ACACA: variants seen among roughly 807,000 people sequenced by gnomAD.
ACACA encodes acetyl-CoA carboxylase 1.
ACACA carries 103 observed loss-of-function variants against 296.1 expected under a neutral mutation model. The observed-to-expected ratio is 0.35, with a 90% CI of 0.30 to 0.41. The LOEUF is 0.41. ACACA is among the 10% of genes least tolerant of loss of function. The pLI, the probability that ACACA is intolerant of heterozygous loss-of-function variation, is 1.00. For synonymous variants in ACACA, 953 were observed against 1,038.6 expected, an observed-to-expected ratio of 0.92 and a Z score of 1.58; for missense variants, 1,554 against 2,989.7, an observed-to-expected ratio of 0.52 and a Z score of 11.20.
chr17:37,360,848 T>C (rs549980258), intron 1 of ACACA, among the ~76,000 whole-genome samples: 2 of 152,080 alleles, frequency 1.3e-5, no homozygotes, highest in African/African-American at 4.8e-5. Context: ...CCTGGTTTAG[T>C]AAGATGTTTG....
intron 13 of ACACA, 112 bp from the exon 14 acceptor site, chr17:37,257,978 C>A: frequency 7.1e-7 from 1 of 1,414,514 alleles, no homozygotes; most frequent in Non-Finnish European, 9.8e-7. Flanking sequence ...AGAAGACACA[C>A]AAAAATGATA....
intron 39 of ACACA, among the ~76,000 whole-genome samples, chr17:37,183,805 A>G (rs1161282509): frequency 2.6e-5 from 4 of 151,172 alleles, no homozygotes; most frequent in Admixed American, 2.6e-4. Context: ...AGGAAAAAAA[A>G]AAAAGAAAGA....
At chr17:37,268,712 T>C (rs1386469727) in intron 10 of ACACA, among the ~76,000 whole-genome samples, 2 of 120,214 alleles carry the variant, frequency 1.7e-5, no homozygotes, top group Non-Finnish European at 3.2e-5. Context: ...TATCTATATC[T>C]ATATCTATCT....
chr17:37,351,687 A>T (rs1430641781), intron 1 of ACACA, among the ~76,000 whole-genome samples: 1 of 152,174 alleles, frequency 6.6e-6, no homozygotes, highest in East Asian at 1.9e-4. Flanking sequence ...TATCTCCTAG[A>T]TGAGGCTGGG....
rs1325479340 is a variant in ACACA at position 37,097,846 on chromosome 17, T to C, written c.6704A>G (p.Glu2235Gly). The change falls in exon 53 of 56, where the codon GAG (glutamate) becomes GGG (glycine). Residue 2235 changes from glutamate to glycine, a missense_variant. Glu to Gly is a moderately conservative substitution (Grantham distance 98, BLOSUM62 -2). Coordinates refer to ENST00000616317, the MANE Select transcript of ACACA (RefSeq NM_198834.3). This position sits in a 1 kb window ranked among gnomAD's most constrained non-coding sequence, Gnocchi z 4.8. ...TGTACTTACGCTAATAACACCCTTC[T>C]CCTGCATCCGGCCTGGTGTGTCGTG... is the stretch of plus-strand genomic sequence containing the variant. ...DLHDTPGRMQ[E>G]KGVISDILDW... 1 of 1,614,146 alleles carries C rather than the reference T, an allele frequency of 6.2e-7. No individual in the cohort carries two copies. The highest frequency in any genetic ancestry group is 8.5e-7 in the Non-Finnish European group (1 of 1,180,016).
chr17:37,206,795 A>G lies in ACACA; in HGVS notation c.3936T>C (p.Tyr1312=), dbSNP rs747744911. ...AGGGACATTATACCTTATCCTCATC[A>G]TAAAGAGACGTGTGACCTGCCTCAG... The part of the protein sequence containing the change: ...TFPEAGHTSL[Y]DEDKVPRDEP... Residue 1312 remains tyrosine (Y), a synonymous_variant, in exon 32 of 56, where the codon TAT becomes TAC. Coordinates refer to ENST00000616317, the MANE Select transcript of ACACA (RefSeq NM_198834.3). 1 of 1,610,606 alleles carries G rather than the reference A, an allele frequency of 6.2e-7. No individual in the cohort carries two copies. The highest frequency in any genetic ancestry group is 1.1e-5 in the South Asian group (1 of 90,986).
chr17:37,117,983 G>A (rs1229494387), intron 50 of ACACA, among the ~76,000 whole-genome samples: 2 of 152,060 alleles, frequency 1.3e-5, no homozygotes, highest in East Asian at 3.8e-4. Context: ...AGCCAGTATT[G>A]AAACCAAAAC....
At chr17:37,259,595 CT>C in intron 11 of ACACA, 65 bp from the exon 12 acceptor site, 1 of 1,559,870 alleles carries the variant, frequency 6.4e-7, no homozygotes. Context: ...CCACTACAGC[CT>C]CTCACTGACT....
chr17:37,214,446 A>G (rs1286094812), intron 29 of ACACA, among the ~76,000 whole-genome samples: 4 of 152,222 alleles, frequency 2.6e-5, no homozygotes, highest in Admixed American at 1.3e-4. Context: ...GTACATCAAC[A>G]GAGCTACAGC....
intron 49 of ACACA, 35 bp from the exon 50 acceptor site, chr17:37,121,525 A>T: frequency 6.2e-7 from 1 of 1,613,456 alleles, no homozygotes; most frequent in South Asian, 1.1e-5. Flanking sequence ...ACAATTAACA[A>T]CACAGCTCCA....
At chr17:37,323,117 A>G (rs531556832) in intron 3 of ACACA, among the ~76,000 whole-genome samples, 2 of 152,394 alleles carry the variant, frequency 1.3e-5, no homozygotes, top group East Asian at 3.9e-4. Flanking sequence ...TCAGAGTCGC[A>G]GACACCACCC....
intron 20 of ACACA, 70 bp downstream of exon 20, chr17:37,245,010 C>A (rs1048566528): frequency 7.5e-6 from 12 of 1,603,018 alleles, no homozygotes; most frequent in Non-Finnish European, 9.4e-6. Flanking sequence ...GCATTGAAAT[C>A]ACTTGCCTCT....
intron 2 of ACACA, among the ~76,000 whole-genome samples, chr17:37,333,547 A>G (rs942074110): frequency 2.6e-5 from 4 of 152,078 alleles, no homozygotes; most frequent in African/African-American, 9.7e-5. Context: ...TCCTCCCCTC[A>G]GGATGGCTAG....
At chr17:37,263,966 C>A in intron 10 of ACACA, 72 bp from the exon 11 acceptor site, 1 of 1,284,046 alleles carries the variant, frequency 7.8e-7, no homozygotes, top group Middle Eastern at 1.9e-4. Context: ...TGATAAGCTA[C>A]TTTGATTTCA....
At position 37,097,863 on chromosome 17, in the gene ACACA, T is replaced by C; in HGVS notation, c.6687A>G (p.Thr2229=). 1.2e-6 allele frequency: 2 copies of C among 1,614,144 alleles called. No homozygotes were observed. Among genetic ancestry groups the C allele is most frequent in the Non-Finnish European group, 1.7e-6 (2 of 1,180,026 alleles). The change falls in exon 53 of 56, where the codon ACA becomes ACG. Residue 2229 remains threonine (T), a synonymous_variant. Coordinates refer to ENST00000616317, the MANE Select transcript of ACACA (RefSeq NM_198834.3). This position sits in a 1 kb window ranked among gnomAD's most constrained non-coding sequence, Gnocchi z 4.8. ...VAVQFADLHD[T]PGRMQEKGVI... ...CACCCTTCTCCTGCATCCGGCCTGG[T>C]GTGTCGTGCAAGTCAGCAAACTGCA...
intron 41 of ACACA, among the ~76,000 whole-genome samples, chr17:37,177,810 C>A (rs2077176885): frequency 6.6e-6 from 1 of 152,180 alleles, no homozygotes; most frequent in Non-Finnish European, 1.5e-5. Context: ...CCTTCCACCC[C>A]AGTCCTCTTG....
At chr17:37,274,589 A>G in intron 8 of ACACA, 1 of 973,942 alleles carries the variant, frequency 1.0e-6, no homozygotes, top group South Asian at 4.7e-5. Context: ...AGAACATAGC[A>G]TACTTCTCAC....
intron 11 of ACACA, 43 bp from the exon 12 acceptor site, chr17:37,259,573 C>T: frequency 6.2e-7 from 1 of 1,609,650 alleles, no homozygotes; most frequent in Non-Finnish European, 8.5e-7. Context: ...CTCACCTTAT[C>T]CAACTGCTAG....
intron 2 of ACACA, among the ~76,000 whole-genome samples, chr17:37,337,232 G>A (rs188791284): frequency 6.6e-6 from 1 of 152,140 alleles, no homozygotes; most frequent in East Asian, 1.9e-4. Context: ...GGGCACTATA[G>A]TGAGATCCCA....
Sources: allele counts gnomAD v4.1 joint callset (sites outside exome capture counted in the v4.1 genomes callset), GRCh38; gene constraint gnomAD v4.1.1; non-coding constraint Gnocchi (gnomAD v3.1); transcripts MANE v1.5; gene names NCBI Gene and HGNC (gene_info 2026-07-23, HGNC 2026-07-21).